The following CLPB variants were observed in gnomAD, a reference collection of about 807,000 sequenced individuals.
The protein encoded by CLPB is mitochondrial disaggregase.
CLPB carries 40 observed loss-of-function variants against 78.4 expected under a neutral mutation model. The ratio of observed to expected loss-of-function variants is 0.51; its 90% CI spans 0.40 to 0.66. The LOEUF (loss-of-function observed/expected upper bound fraction) is 0.66. Among genes scored for constraint, CLPB ranks in the 30% least tolerant of loss-of-function variants. The pLI is 0.00. For missense variants in CLPB, 780 were observed against 886.9 expected, an observed-to-expected ratio of 0.88 and a Z score of 1.53; for synonymous variants, 333 against 348.0, an observed-to-expected ratio of 0.96 and a Z score of 0.48.
Position 72,433,923 on chromosome 11 carries a change from C to A in CLPB, c.403+149G>T. Reference sequence around the variant, plus strand: ...AGGTGATGAGGTCTCTAGGGCAACACCCTGCCCCTGTAACCAGATGATGTC... The same window carrying A: ...AGGTGATGAGGTCTCTAGGGCAACAACCTGCCCCTGTAACCAGATGATGTC... On this transcript the variant is annotated intron_variant, in intron 1 of 15. Coordinates refer to ENST00000538039, the MANE Select transcript of CLPB (RefSeq NM_001258392.3). 2.1e-6 allele frequency: 2 copies of A among 956,974 alleles called. 1 individual carries two copies. Among genetic ancestry groups the A allele is most frequent in the East Asian group, 4.9e-5 (2 of 40,542 alleles). The allele number at this position is 956,974 out of a possible 1,614,324, so 59.3% of individuals were successfully genotyped here.
At chr11:72,379,203 C>T (rs1197098685) in intron 4 of CLPB, among the ~76,000 whole-genome samples, 1 of 152,156 alleles carries the variant, frequency 6.6e-6, no homozygotes, top group Non-Finnish European at 1.5e-5. Context: ...CATTGCTCCC[C>T]TTGGCTGAAT....
Position 72,301,970 on chromosome 11 carries a change from A to G in CLPB, c.1168-6T>C, listed in dbSNP as rs762582813. ...GACCCAATAAACTTGGCCACCTGGT[A>G]GAAGGAAGGAAACATGCTAGGAAGG... is the stretch of plus-strand genomic sequence containing the variant. On this transcript the variant is annotated splice_region_variant and splice_polypyrimidine_tract_variant and intron_variant, in intron 10 of 15. Transcript: ENST00000538039. 6.2e-7 allele frequency: 1 copy of G among 1,613,458 alleles called. No homozygotes were observed. The highest frequency in any genetic ancestry group is 8.5e-7 in the Non-Finnish European group (1 of 1,179,648).
intron 2 of CLPB, among the ~76,000 whole-genome samples, chr11:72,422,746 A>G (rs1856247247): frequency 6.6e-6 from 1 of 152,238 alleles, no homozygotes; most frequent in African/African-American, 2.4e-5. Context: ...TACAACAATC[A>G]ATAAACAGAC....
intron 5 of CLPB, among the ~76,000 whole-genome samples, chr11:72,348,261 T>A (rs1950550415): frequency 6.6e-6 from 1 of 152,210 alleles, no homozygotes; most frequent in Non-Finnish European, 1.5e-5. Context: ...ATTTTTATCT[T>A]GTGCAACTTT....
intron 2 of CLPB, among the ~76,000 whole-genome samples, chr11:72,422,289 A>C (rs947556056): frequency 6.6e-6 from 1 of 151,332 alleles, no homozygotes; most frequent in South Asian, 2.1e-4. Flanking sequence ...AAAAAAAAAA[A>C]AACTAGGGAA....
Position 72,294,005 on chromosome 11 carries a change from C to T in CLPB, c.1785+17G>A, listed in dbSNP as rs1354548408. The T allele has an allele frequency of 6.2e-7, 1 of 1,608,628 alleles. No homozygotes were observed. The highest frequency in any genetic ancestry group is 8.5e-7 in the Non-Finnish European group (1 of 1,176,298). ...GGAGGTGTGGAGGCGCCTCATTTCT[C>T]AGGCTCCTGTGCTCACCTCATGTTT... On this transcript the variant is annotated intron_variant, in intron 15 of 15. Transcript: ENST00000538039.
chr11:72,304,910 G>A (rs187426641), intron 9 of CLPB, among the ~76,000 whole-genome samples: 10 of 152,260 alleles, frequency 6.6e-5, no homozygotes, highest in African/African-American at 1.9e-4. Flanking sequence ...CACTGGCTAC[G>A]TAGCTTAAAG....
chr11:72,378,763 C>G (rs921933235), intron 4 of CLPB, among the ~76,000 whole-genome samples: 6 of 152,154 alleles, frequency 3.9e-5, no homozygotes, highest in African/African-American at 1.2e-4. Flanking sequence ...CTGTTTAAAA[C>G]ATAAACACAA....
chr11:72,422,078 T>C (rs960932307), intron 2 of CLPB, among the ~76,000 whole-genome samples: 30 of 150,662 alleles, frequency 2.0e-4, no homozygotes, highest in Admixed American at 1.2e-3. Flanking sequence ...CCATCTTGGC[T>C]AACATGGTGA....
intron 2 of CLPB, among the ~76,000 whole-genome samples, 166 bp from the exon 3 acceptor site, chr11:72,403,218 T>TTCA (rs1315305806): frequency 6.6e-6 from 1 of 152,244 alleles, no homozygotes; most frequent in Non-Finnish European, 1.5e-5. Context: ...AGAGCCTGAA[T>TTCA]GAGTCAGGAA....
At chr11:72,376,812 C>CA (rs1762184194) in intron 4 of CLPB, among the ~76,000 whole-genome samples, 2 of 152,140 alleles carry the variant, frequency 1.3e-5, no homozygotes, top group South Asian at 4.2e-4. Context: ...GCTGGGACTA[C>CA]AGGCATGCAC....
chr11:72,301,170 G>A (rs553653332), intron 11 of CLPB, among the ~76,000 whole-genome samples: 10 of 152,350 alleles, frequency 6.6e-5, no homozygotes, highest in Admixed American at 5.2e-4. Context: ...CTAGTACACA[G>A]AAGGTACTGG....
At chr11:72,365,756 C>T (rs1045793143) in intron 4 of CLPB, among the ~76,000 whole-genome samples, 3 of 152,136 alleles carry the variant, frequency 2.0e-5, no homozygotes, top group African/African-American at 7.2e-5. Flanking sequence ...TAAAGCCACA[C>T]ACCTATACCC....
At chr11:72,403,756 A>G (rs1458743389) in intron 2 of CLPB, among the ~76,000 whole-genome samples, 5 of 152,228 alleles carry the variant, frequency 3.3e-5, no homozygotes, top group African/African-American at 1.2e-4. Flanking sequence ...TGCCTAACAC[A>G]TTGTAGAAGC....
At chr11:72,411,867 C>T (rs1161213017) in intron 2 of CLPB, 1 of 152,248 alleles carries the variant, frequency 6.6e-6, no homozygotes, top group Non-Finnish European at 1.5e-5. Context: ...GGTAGGGAGC[C>T]CTATCCCACC....
At chr11:72,373,996 T>C (rs1951093774) in intron 4 of CLPB, among the ~76,000 whole-genome samples, 1 of 148,740 alleles carries the variant, frequency 6.7e-6, no homozygotes, top group Non-Finnish European at 1.5e-5. Flanking sequence ...CATTACTTGC[T>C]CTGATAGTGA....
chr11:72,400,105 A>G (rs1212049893), intron 3 of CLPB, among the ~76,000 whole-genome samples: 2 of 152,184 alleles, frequency 1.3e-5, no homozygotes, highest in African/African-American at 4.8e-5. Context: ...GTCTATCCAC[A>G]TCTTTCTCTA....
At position 72,350,063 on chromosome 11, in the gene CLPB, G is replaced by C. The variant is rs566873189; in HGVS notation, c.775+8817C>G. ...GCTCTGGTGACCAGGCTCATCTCCA[G>C]CTCAACTATGCAGTGGCTCCTCGAT... On this transcript the variant is annotated intron_variant, in intron 5 of 15. Transcript: ENST00000538039. Among the ~76,000 whole-genome samples the C allele has an allele frequency of 1.8e-4, 27 of 152,372 alleles. 1 individual carries two copies. In the East Asian group the frequency reaches 3.5e-3, roughly 20 times the overall value.
At chr11:72,379,395 C>T (rs769452961) in intron 4 of CLPB, among the ~76,000 whole-genome samples, 10 of 152,146 alleles carry the variant, frequency 6.6e-5, no homozygotes, top group African/African-American at 9.7e-5. Context: ...TCTGGATAAA[C>T]GAAAGCTCAA....
Sources: allele counts gnomAD v4.1 joint callset (sites outside exome capture counted in the v4.1 genomes callset), GRCh38; gene constraint gnomAD v4.1.1; transcripts MANE v1.5; gene names NCBI Gene and HGNC (gene_info 2026-07-23, HGNC 2026-07-21).